The following CAST variants were observed in gnomAD, a reference collection of about 807,000 sequenced individuals.
The protein encoded by CAST is calpastatin.
Under a neutral mutation model 119.6 loss-of-function variants are expected in CAST, and 76 were observed. That is an observed-to-expected ratio of 0.64 (90% CI 0.53 to 0.77). CAST has a LOEUF of 0.77. Ranked by LOEUF, CAST falls within the 30% of genes least tolerant of loss-of-function variation. CAST has a pLI of 0.00. For synonymous variants in CAST, 319 were observed against 331.6 expected, an observed-to-expected ratio of 0.96 and a Z score of 0.41; for missense variants, 953 against 946.5, an observed-to-expected ratio of 1.01 and a Z score of -0.09.
chr5:96,399,404 T>G, the CAST span, among the ~76,000 whole-genome samples: 2 of 152,202 alleles, frequency 1.3e-5, no homozygotes, highest in Admixed American at 1.3e-4. Context: ...TTATTTTGAT[T>G]GCTTTGATAG....
At chr5:96,763,764 A>G (rs1768827566) in intron 25 of CAST, among the ~76,000 whole-genome samples, 1 of 152,238 alleles carries the variant, frequency 6.6e-6, no homozygotes, top group Admixed American at 6.5e-5. Context: ...CATACACTGA[A>G]AGCATTTGAA....
chr5:96,588,750 T>C (rs1002073565), intron 1 of CAST, among the ~76,000 whole-genome samples: 1 of 152,206 alleles, frequency 6.6e-6, no homozygotes, highest in African/African-American at 2.4e-5. Context: ...TTATTGGCCA[T>C]AAAACTACTC....
intron 9 of CAST, among the ~76,000 whole-genome samples, chr5:96,734,519 T>C (rs1761240932): frequency 6.6e-6 from 1 of 152,124 alleles, no homozygotes; most frequent in Non-Finnish European, 1.5e-5. Flanking sequence ...AGAGCAAAAA[T>C]CTTCAGGTTT....
chr5:95,993,208 T>G, the CAST span, among the ~76,000 whole-genome samples: 1 of 152,158 alleles, frequency 6.6e-6, no homozygotes, highest in African/African-American at 2.4e-5. Context: ...CTAGAACAAT[T>G]GAATATCTTT....
chr5:96,280,067 T>G, the CAST span, among the ~76,000 whole-genome samples: 3 of 152,216 alleles, frequency 2.0e-5, no homozygotes, highest in Admixed American at 6.5e-5. Context: ...AATAACACAT[T>G]GTCTAAAAGC....
chr5:96,387,518 C>A, the CAST span, among the ~76,000 whole-genome samples: 1 of 149,768 alleles, frequency 6.7e-6, no homozygotes, highest in African/African-American at 2.5e-5. Flanking sequence ...TTTGAAACAG[C>A]CCATAAATTT....
At chr5:96,692,700 T>C (rs1270586186) in intron 2 of CAST, among the ~76,000 whole-genome samples, 4 of 152,190 alleles carry the variant, frequency 2.6e-5, no homozygotes, top group Non-Finnish European at 5.9e-5. Flanking sequence ...CCATCCTGTC[T>C]GAAGCAACCC....
At chr5:96,300,612 T>A in the CAST span, among the ~76,000 whole-genome samples, 1 of 152,128 alleles carries the variant, frequency 6.6e-6, no homozygotes, top group African/African-American at 2.4e-5. Flanking sequence ...ATGTTAGAAT[T>A]TTTGTCTATA....
the CAST span, among the ~76,000 whole-genome samples, chr5:96,364,370 T>C: frequency 7.0e-3 from 1,064 of 152,350 alleles, 9 homozygotes; most frequent in African/African-American, 0.025. Context: ...GAGGATTCCC[T>C]CTTTTTGTAT....
the CAST span, among the ~76,000 whole-genome samples, chr5:96,495,240 T>TGC: frequency 6.6e-6 from 1 of 152,154 alleles, no homozygotes; most frequent in East Asian, 1.9e-4. Context: ...GTTTTGTAGA[T>TGC]CAACTGTTTT....
the CAST span, among the ~76,000 whole-genome samples, chr5:96,187,882 C>A: frequency 3.9e-5 from 6 of 152,202 alleles, no homozygotes; most frequent in Admixed American, 1.3e-4. Context: ...TGTGAGCAGT[C>A]CCATCTCTAC....
the CAST span, among the ~76,000 whole-genome samples, chr5:96,293,555 C>G: frequency 5.9e-5 from 9 of 152,022 alleles, no homozygotes; most frequent in Admixed American, 2.0e-4. Context: ...GGATTACAGG[C>G]ATGAGCCACC....
At chr5:96,543,714 A>G (rs191369556) in intron 1 of CAST, among the ~76,000 whole-genome samples, 7 of 152,224 alleles carry the variant, frequency 4.6e-5, no homozygotes, top group Admixed American at 4.6e-4. Context: ...TAGAAGTTTA[A>G]TGGTTTTAAT....
the CAST span, among the ~76,000 whole-genome samples, chr5:96,330,669 G>T: frequency 1.3e-5 from 2 of 152,174 alleles, no homozygotes; most frequent in African/African-American, 4.8e-5. Context: ...GTGTCACGAG[G>T]AATTTTCCCT....
chr5:95,968,977 AG>A, the CAST span, among the ~76,000 whole-genome samples: 15 of 152,210 alleles, frequency 9.9e-5, no homozygotes, highest in African/African-American at 3.6e-4. Flanking sequence ...GAACATATTC[AG>A]CTCAGGGTGT....
the CAST span, chr5:96,318,332 C>G: frequency 6.6e-6 from 1 of 152,126 alleles, no homozygotes; most frequent in Non-Finnish European, 1.5e-5. Context: ...TATGTTTAAC[C>G]GAACTCAAAG....
At chr5:96,748,361 G>A (rs558590562) in intron 18 of CAST, among the ~76,000 whole-genome samples, 157 bp from the exon 19 acceptor site, 5 of 152,030 alleles carry the variant, frequency 3.3e-5, no homozygotes, top group South Asian at 2.1e-4. Flanking sequence ...TTATCTTAAC[G>A]TTGATAAATG....
chr5:96,622,743 A>G (rs1457992604), intron 1 of CAST, among the ~76,000 whole-genome samples: 1 of 152,140 alleles, frequency 6.6e-6, no homozygotes, highest in Non-Finnish European at 1.5e-5. Context: ...CTTTTTACAT[A>G]TAAGAGAGTT....
chr5:96,354,785 G>T, the CAST span, among the ~76,000 whole-genome samples: 1 of 150,066 alleles, frequency 6.7e-6, no homozygotes, highest in Non-Finnish European at 1.5e-5. Context: ...TTGTTCTGGA[G>T]CTTAGGCAAT....
Sources: gnomAD v4.1 joint callset for allele counts (sites outside exome capture counted in the v4.1 genomes callset) on GRCh38, gnomAD v4.1.1 for gene constraint, MANE v1.5 for transcripts, NCBI Gene and HGNC (gene_info 2026-07-23, HGNC 2026-07-21) for gene names.